CADM2: variants seen among roughly 807,000 people sequenced by gnomAD.
CADM2 encodes the protein cell adhesion molecule 2.
CADM2 carries 12 observed loss-of-function variants against 49.8 expected under a neutral mutation model. The ratio of observed to expected loss-of-function variants is 0.24; its 90% CI spans 0.15 to 0.39. The LOEUF (loss-of-function observed/expected upper bound fraction) is 0.39. Among genes scored for constraint, CADM2 ranks in the 10% least tolerant of loss-of-function variants. The probability of loss-of-function intolerance (pLI) is 1.00; values close to 1 mark genes in which losing one functional copy is unlikely to be tolerated. For missense variants in CADM2, 378 were observed against 492.3 expected (o/e 0.77, Z 2.20); for synonymous variants, 214 against 175.4 (o/e 1.22, Z -1.74).
chr3:84,969,984 A>G (rs922370749), intron 1 of CADM2, among the ~76,000 whole-genome samples: 1 of 151,092 alleles, frequency 6.6e-6, no homozygotes, highest in Non-Finnish European at 1.5e-5. Context: ...GGATAAATGT[A>G]TAAACAAAGA....
intron 1 of CADM2, among the ~76,000 whole-genome samples, chr3:85,448,638 T>C (rs568388872): frequency 1.3e-5 from 2 of 152,208 alleles, no homozygotes; most frequent in African/African-American, 4.8e-5. Context: ...TGGTGCAACA[T>C]AATCATTTCT....
At chr3:85,417,615 C>T (rs1041137262) in intron 1 of CADM2, among the ~76,000 whole-genome samples, 1 of 152,010 alleles carries the variant, frequency 6.6e-6, no homozygotes, top group Non-Finnish European at 1.5e-5. Context: ...TTTAAACTAA[C>T]GGTTGCTGGA....
chr3:85,795,768 T>C lies in CADM2; in HGVS notation c.89-6279T>C, dbSNP rs146343317. ...ATAAGATATTTAAGAACAGTTAGTA[T>C]TGACATCTTAAATTTCCAATTTAAA... On this transcript the variant is annotated intron_variant, in intron 2 of 9. Coordinates refer to ENST00000383699, the MANE Select transcript of CADM2 (RefSeq NM_001167675.2). Among the ~76,000 whole-genome samples, 620 of 152,356 alleles carry C rather than the reference T, an allele frequency of 4.1e-3. 4 individuals carry two copies. Among genetic ancestry groups the C allele is most frequent in the African/African-American group, 0.014 (594 of 41,596 alleles).
At chr3:85,248,949 G>C (rs2042713772) in intron 1 of CADM2, among the ~76,000 whole-genome samples, 1 of 152,104 alleles carries the variant, frequency 6.6e-6, no homozygotes, top group Admixed American at 6.5e-5. Flanking sequence ...TAAGCAATCT[G>C]ATTTTTGAGC....
chr3:85,341,162 A>G (rs1377044919), intron 1 of CADM2, among the ~76,000 whole-genome samples: 5 of 151,762 alleles, frequency 3.3e-5, no homozygotes, highest in African/African-American at 1.2e-4. Context: ...AGCATACGGA[A>G]TATAAAAACA....
At chr3:85,887,894 A>C (rs1713890008) in intron 5 of CADM2, among the ~76,000 whole-genome samples, 1 of 152,146 alleles carries the variant, frequency 6.6e-6, no homozygotes, top group South Asian at 2.1e-4. Context: ...TTCTGGCTTA[A>C]GCATTTCTAA....
chr3:85,456,698 A>C (rs944903571), intron 1 of CADM2, among the ~76,000 whole-genome samples: 1 of 152,100 alleles, frequency 6.6e-6, no homozygotes, highest in Non-Finnish European at 1.5e-5. Flanking sequence ...GACACCCTCT[A>C]TGAAGTTCAA....
At chr3:85,913,914 G>T (rs927004768) in intron 6 of CADM2, among the ~76,000 whole-genome samples, 1 of 152,020 alleles carries the variant, frequency 6.6e-6, no homozygotes, top group Admixed American at 6.6e-5. Flanking sequence ...TAGCTTGTTT[G>T]TTGTTTTTAT....
intron 1 of CADM2, among the ~76,000 whole-genome samples, chr3:85,375,711 T>G (rs2033554959): frequency 6.6e-6 from 1 of 152,142 alleles, no homozygotes; most frequent in Non-Finnish European, 1.5e-5. Context: ...GTATTAAAAA[T>G]TAATGTACAA....
At chr3:85,248,352 G>C (rs1256324474) in intron 1 of CADM2, among the ~76,000 whole-genome samples, 1 of 151,980 alleles carries the variant, frequency 6.6e-6, no homozygotes, top group African/African-American at 2.4e-5. Flanking sequence ...TTCACTCACT[G>C]CAAACTCTGC....
At chr3:85,146,234 T>C (rs1196953874) in intron 1 of CADM2, among the ~76,000 whole-genome samples, 1 of 152,164 alleles carries the variant, frequency 6.6e-6, no homozygotes, top group African/African-American at 2.4e-5. Flanking sequence ...CAAATAATGA[T>C]CTTGATGGCC....
At chr3:85,883,244 CTG>C in intron 3 of CADM2, 45 bp from the exon 4 acceptor site, 1 of 1,496,530 alleles carries the variant, frequency 6.7e-7, no homozygotes, top group Non-Finnish European at 9.1e-7. Context: ...AAAATACTGA[CTG>C]TTTCTGATGT....
chr3:85,730,287 CA>C (rs1262935107), intron 2 of CADM2, among the ~76,000 whole-genome samples: 2 of 151,726 alleles, frequency 1.3e-5, no homozygotes, highest in African/African-American at 2.4e-5. Context: ...ACTAAAAATA[CA>C]AAAAATAGGC....
intron 1 of CADM2, among the ~76,000 whole-genome samples, chr3:85,520,041 G>T (rs747057537): frequency 6.6e-6 from 1 of 151,874 alleles, no homozygotes; most frequent in Non-Finnish European, 1.5e-5. Flanking sequence ...CAGTACTATT[G>T]TCCCTGGAGA....
intron 8 of CADM2, chr3:86,012,702 C>G: frequency 8.8e-7 from 1 of 1,136,216 alleles, no homozygotes; most frequent in Non-Finnish European, 1.3e-6. Flanking sequence ...GATAAAACAC[C>G]TGATCGGCTG....
chr3:85,265,937 T>C (rs2043112519), intron 1 of CADM2, among the ~76,000 whole-genome samples: 1 of 151,994 alleles, frequency 6.6e-6, no homozygotes, highest in Non-Finnish European at 1.5e-5. Flanking sequence ...AGAGACTTTA[T>C]TATTCATTCA....
intron 8 of CADM2, among the ~76,000 whole-genome samples, chr3:85,988,788 A>G (rs562393332): frequency 1.5e-4 from 23 of 152,154 alleles, no homozygotes; most frequent in Non-Finnish European, 2.6e-4. Flanking sequence ...CTTATTTTTC[A>G]TCTTAGAAAA....
At chr3:86,018,963 C>A (rs1378604534) in intron 8 of CADM2, among the ~76,000 whole-genome samples, 1 of 143,078 alleles carries the variant, frequency 7.0e-6, no homozygotes, top group Non-Finnish European at 1.5e-5. Context: ...ATGCCTATGT[C>A]CTGAATGGTA....
intron 1 of CADM2, among the ~76,000 whole-genome samples, chr3:85,413,255 C>T (rs867798753): frequency 2.7e-5 from 4 of 149,620 alleles, no homozygotes; most frequent in Non-Finnish European, 5.9e-5. Context: ...TCACTTTTTT[C>T]AGTACACATA....
Sources: allele counts gnomAD v4.1 joint callset (sites outside exome capture counted in the v4.1 genomes callset), GRCh38; gene constraint gnomAD v4.1.1; transcripts MANE v1.5; gene names NCBI Gene and HGNC (gene_info 2026-07-23, HGNC 2026-07-21).